The following LILRA5 variants were observed in gnomAD, a reference collection of about 807,000 sequenced individuals.
LILRA5 encodes leukocyte immunoglobulin-like receptor subfamily A member 5.
LILRA5 carries 31 observed loss-of-function variants against 36.3 expected under a neutral mutation model. The observed-to-expected ratio is 0.85, with a 90% CI of 0.64 to 1.15. The LOEUF (loss-of-function observed/expected upper bound fraction) is 1.15. Among genes scored for constraint, LILRA5 ranks in the 50% most tolerant of loss-of-function variants. The pLI is 0.00. For synonymous variants in LILRA5, 144 were observed against 144.8 expected (o/e 0.99, Z 0.04); for missense variants, 348 against 377.4 (o/e 0.92, Z 0.64).
At chr19:54,312,677 G>T in intron 1 of LILRA5, 56 bp from the exon 2 acceptor site, 1 of 1,532,222 alleles carries the variant, frequency 6.5e-7, no homozygotes, top group Non-Finnish European at 9.0e-7. Flanking sequence ...GGTCCTTCTT[G>T]TCATAGGATT....
chr19:54,311,948 G>T lies in LILRA5; in HGVS notation c.325C>A (p.His109Asn), dbSNP rs774445294. The T allele has an allele frequency of 2.1e-5, 34 of 1,614,010 alleles. No individual in the cohort carries two copies. The highest frequency in any genetic ancestry group is 3.3e-5 in the Admixed American group (2 of 60,000). ...TAACAGCGGTATCTCCCTGCATGGT[G>T]CTCTGTCATGGATGGGATGGAGAAT... The part of the protein sequence containing the change: ...ARFSIPSMTE[H>N]HAGRYRCYYY... The change falls in exon 4 of 7, where the codon CAC becomes AAC. Residue 109 changes from histidine (H) to asparagine (N), a missense_variant. His to Asn is a moderately conservative substitution (Grantham distance 68). Transcript: ENST00000432233.
chr19:54,308,363 A>C lies in LILRA5; in HGVS notation c.713-615T>G. ...TATATATGTATATATAAATATATATATATATATATATATATATATATATAT... is the reference window on the plus strand; with the variant it reads ...TATATATGTATATATAAATATATATCTATATATATATATATATATATATAT... On this transcript the variant is annotated intron_variant, in intron 5 of 6. Coordinates refer to ENST00000432233, the MANE Select transcript of LILRA5 (RefSeq NM_021250.4). 2 of 15,900 alleles carry C rather than the reference A, an allele frequency of 1.3e-4. 1 individual carries two copies. Among genetic ancestry groups the C allele is most frequent in the Non-Finnish European group, 2.3e-4 (2 of 8,714 alleles). The allele number at this position is 15,900 out of a possible 1,614,324, so 1.0% of individuals were successfully genotyped here.
chr19:54,309,921 G>A lies in LILRA5; in HGVS notation c.712+1493C>T, dbSNP rs77584623. On this transcript the variant is annotated intron_variant, in intron 5 of 6. Coordinates refer to ENST00000432233, the MANE Select transcript of LILRA5 (RefSeq NM_021250.4). ...GGAGCAGGTGCGCGGCCCCTCCTTT[G>A]TCTCAGGGGTGCCCTGAGCACAGAG... 780 of 169,518 alleles carry A rather than the reference G, an allele frequency of 4.6e-3. 5 individuals are homozygous for A. The highest frequency in any genetic ancestry group is 0.017 in the African/African-American group (729 of 41,740). The allele number at this position is 169,518 out of a possible 1,614,324, so 10.5% of individuals were successfully genotyped here. A position where few individuals can be genotyped will look rare whatever the true frequency, so the allele number is the denominator to read the frequency against.
At chr19:54,307,897 C>T in intron 5 of LILRA5, 149 bp from the exon 6 acceptor site, 1 of 653,234 alleles carries the variant, frequency 1.5e-6, no homozygotes, top group Non-Finnish European at 2.8e-6. Flanking sequence ...TCTGCTGGAG[C>T]AGGGTTCCCT....
At chr19:54,312,447 C>A (rs2081042709) in intron 2 of LILRA5, 77 bp from the exon 3 acceptor site, 1 of 1,614,042 alleles carries the variant, frequency 6.2e-7, no homozygotes, top group East Asian at 2.2e-5. Context: ...CCTCCTAAAA[C>A]CCTGGAGTTT....
In LILRA5 at chr19:54,307,374, A is replaced by G. The variant is rs2080897708; in HGVS notation, c.*39T>C. 2 of 1,567,408 alleles carry G rather than the reference A, an allele frequency of 1.3e-6. No individual in the cohort carries two copies. The highest frequency in any genetic ancestry group is 1.7e-6 in the Non-Finnish European group (2 of 1,156,474). On this transcript the variant is annotated 3_prime_UTR_variant, in exon 7 of 7. Coordinates refer to ENST00000432233, the MANE Select transcript of LILRA5 (RefSeq NM_021250.4). ...CCTAGGACCATCAGATTCGCTTCCA[A>G]GGCTCCAGCATTCAATGGTGCATTG... is the stretch of plus-strand genomic sequence containing the variant.
intron 5 of LILRA5, chr19:54,310,134 T>G (rs1214376469): frequency 9.2e-6 from 1 of 108,874 alleles, no homozygotes; most frequent in Non-Finnish European, 2.0e-5. Flanking sequence ...GGCTCCATCC[T>G]CAGGGGCTCT....
At position 54,307,190 on chromosome 19, in the gene LILRA5, G is replaced by A. The variant is rs970615369; in HGVS notation, c.*223C>T. On this transcript the variant is annotated 3_prime_UTR_variant, in exon 7 of 7. Transcript: ENST00000432233. ...ACCCGAGAGGCGGAGGTTGCAGTGA[G>A]CCCAGATTGCGCCACTGCATTCCAG... 6.4e-5 allele frequency: 21 copies of A among 330,666 alleles called. No individual in the cohort carries two copies. Among genetic ancestry groups the A allele is most frequent in the Non-Finnish European group, 1.0e-4 (20 of 195,780 alleles). 20.5% of individuals were successfully genotyped at this position (330,666 alleles called of 1,614,324 possible). A position where few individuals can be genotyped will look rare whatever the true frequency, so the allele number is the denominator to read the frequency against.
chr19:54,312,693 A>G (rs2081049353), intron 1 of LILRA5, 72 bp from the exon 2 acceptor site: 4 of 1,436,900 alleles, frequency 2.8e-6, no homozygotes, highest in Admixed American at 1.8e-5. Context: ...GGATTTTCTC[A>G]TTCTCAGCCC....
rs914727666 is a variant in LILRA5 at position 54,311,408 on chromosome 19, C to T, written c.712+6G>A. On this transcript the variant is annotated splice_donor_region_variant and intron_variant, in intron 5 of 6. Coordinates refer to ENST00000432233, the MANE Select transcript of LILRA5 (RefSeq NM_021250.4). ...ATTGTACTAGAGAAGACTGTGGCTT[C>T]CTCACCTGAGACCGGAATCTCCAGG... is the stretch of plus-strand genomic sequence containing the variant. 1.9e-6 allele frequency: 3 copies of T among 1,614,178 alleles called. No individual in the cohort carries two copies. Among genetic ancestry groups the T allele is most frequent in the Non-Finnish European group, 8.5e-7 (1 of 1,180,018 alleles).
Position 54,311,594 on chromosome 19 carries a change from C to T in LILRA5, c.532G>A (p.Asp178Asn). ...FDRFILTEEGDHKLSWTLDSQ... is the reference protein window; with the variant it reads ...FDRFILTEEGNHKLSWTLDSQ... ...TCCAAGGTCCAGGAGAGCTTGTGGT[C>T]TCCTTCCTCAGTCAGAATGAACCTG... The change falls in exon 5 of 7, where the codon GAC becomes AAC. Residue 178 changes from aspartate to asparagine, a missense_variant. Transcript: ENST00000432233. 6.2e-7 allele frequency: 1 copy of T among 1,614,194 alleles called. No homozygotes were observed. The highest frequency in any genetic ancestry group is 8.5e-7 in the Non-Finnish European group (1 of 1,180,042).
chr19:54,312,690 C>T (rs2081049312), intron 1 of LILRA5, 69 bp from the exon 2 acceptor site: 6 of 1,465,252 alleles, frequency 4.1e-6, no homozygotes, highest in Non-Finnish European at 5.7e-6. Flanking sequence ...ATAGGATTTT[C>T]TCATTCTCAG....
In LILRA5 at chr19:54,312,768, G is replaced by T. The variant is rs112889837; in HGVS notation, c.4-147C>A. On this transcript the variant is annotated intron_variant, in intron 1 of 6. Transcript: ENST00000432233. ...ATTTCCCCAGGGCTGAAGTGAAGTA[G>T]TTGAGACTACAGGCACCAGGCTCTC... 9.3e-6 allele frequency: 8 copies of T among 863,038 alleles called. No individual in the cohort carries two copies. The African/African-American group carries it at 1.0e-4, about 11-fold the overall frequency. 53.5% of individuals were successfully genotyped at this position (863,038 alleles called of 1,614,324 possible).
At chr19:54,311,048 C>G (rs932102065) in intron 5 of LILRA5, 16 of 320,270 alleles carry the variant, frequency 5.0e-5, no homozygotes, top group African/African-American at 3.2e-4. Flanking sequence ...CTCCGCCTCC[C>G]GGGTTCGAGC....
At position 54,312,966 on chromosome 19, in the gene LILRA5, C is replaced by T. The variant is rs369966165; in HGVS notation, c.3+51G>A. ...CCCTCTCAGAGCCTCCCCATGGGGT[C>T]TCCCTCCCTCCTTCAGCCCGTCCAT... is the stretch of plus-strand genomic sequence containing the variant. On this transcript the variant is annotated intron_variant, in intron 1 of 6. Transcript: ENST00000432233. 93 of 1,613,422 alleles carry T rather than the reference C, an allele frequency of 5.8e-5. No homozygotes were observed. The African/African-American group carries it at 1.2e-3, about 20-fold the overall frequency.
Position 54,307,535 on chromosome 19 carries a change from C to G in LILRA5, c.778G>C (p.Asp260His), listed in dbSNP as rs756726234. Residue 260 changes from aspartate (D) to histidine (H), a missense_variant, in exon 7 of 7, where the codon GAT becomes CAT. Transcript: ENST00000432233. ...SDSGTASHLQDYAVENLIRMG... is the reference protein window; with the variant it reads ...SDSGTASHLQHYAVENLIRMG... Reference sequence around the variant, plus strand: ...CGGATGAGATTCTCTACTGCGTAATCCTGAAGGTGTGAGGCTGGGGATGGT... The same window carrying G: ...CGGATGAGATTCTCTACTGCGTAATGCTGAAGGTGTGAGGCTGGGGATGGT... The G allele has an allele frequency of 2.5e-6, 4 of 1,613,822 alleles. No homozygotes were observed. In the African/African-American group the frequency reaches 5.3e-5, roughly 22 times the overall value.
intron 5 of LILRA5, chr19:54,311,038 C>T (rs1320299593): frequency 3.2e-6 from 1 of 314,222 alleles, no homozygotes; most frequent in Non-Finnish European, 6.3e-6. Context: ...TCACTGCAAC[C>T]TCCGCCTCCC....
rs768878659 is a variant in LILRA5, at chr19:54,307,401, T to C, written c.*12A>G. On this transcript the variant is annotated 3_prime_UTR_variant, in exon 7 of 7. Coordinates refer to ENST00000432233, the MANE Select transcript of LILRA5 (RefSeq NM_021250.4). Reference sequence around the variant, plus strand: ...GCTCCAGCATTCAATGGTGCATTGTTCTCTCTTCTGTTCACCTTCCAGCTG... The same window carrying C: ...GCTCCAGCATTCAATGGTGCATTGTCCTCTCTTCTGTTCACCTTCCAGCTG... The C allele has an allele frequency of 5.6e-6, 9 of 1,599,582 alleles. No individual in the cohort carries two copies. The Admixed American group carries it at 8.5e-5, about 15-fold the overall frequency.
chr19:54,307,263 A>AAAAG lies in LILRA5; in HGVS notation c.*146_*149dup, dbSNP rs2080894310. On this transcript the variant is annotated 3_prime_UTR_variant, in exon 7 of 7. Coordinates refer to ENST00000432233, the MANE Select transcript of LILRA5 (RefSeq NM_021250.4). Reference sequence around the variant, plus strand: ...ATCTCAAAAAAAAAAAAAAAAAAAAAAAAGAAAGAAAAGAAAAGAAAGAAA... The same window carrying AAAAG: ...ATCTCAAAAAAAAAAAAAAAAAAAAAAAAGAAAGAAAGAAAAGAAAAGAAAGAAA... The AAAAG allele has an allele frequency of 1.5e-5, 8 of 548,220 alleles. No individual in the cohort carries two copies. The highest frequency in any genetic ancestry group is 1.2e-4 in the East Asian group (3 of 24,260). 34.0% of individuals were successfully genotyped at this position (548,220 alleles called of 1,614,324 possible). A position where few individuals can be genotyped will look rare whatever the true frequency, so the allele number is the denominator to read the frequency against.
Sources: allele counts gnomAD v4.1 joint callset, GRCh38; gene constraint gnomAD v4.1.1; transcripts MANE v1.5; gene names NCBI Gene and HGNC (gene_info 2026-07-23, HGNC 2026-07-21).